Variants in ZMAT4 observed in about 807,000 individuals in gnomAD.
The protein encoded by ZMAT4 is zinc finger matrin-type 4, also known as zinc finger matrin-type protein 4.
A neutral mutation model predicts 28.7 loss-of-function variants in ZMAT4; 17 were observed. That is an observed-to-expected ratio of 0.59 (90% confidence interval 0.41 to 0.89). The LOEUF is 0.89. Among genes scored for constraint, ZMAT4 ranks in the 40% least tolerant of loss-of-function variants. The pLI, the probability that ZMAT4 is intolerant of heterozygous loss-of-function variation, is 0.00. For missense variants in ZMAT4, 240 were observed against 283.8 expected, an observed-to-expected ratio of 0.85 and a Z score of 1.11; for synonymous variants, 117 against 109.2, an observed-to-expected ratio of 1.07 and a Z score of -0.44.
intron 2 of ZMAT4, among the ~76,000 whole-genome samples, chr8:40,768,584 T>C (rs1027871864): frequency 6.6e-6 from 1 of 152,224 alleles, no homozygotes; most frequent in African/African-American, 2.4e-5. Context: ...GTTCCAGCTC[T>C]ACCACTTCCT....
rs902069540 is a variant in ZMAT4 at position 40,786,817 on chromosome 8, A to G, written c.103-19087T>C. 7.2e-6 allele frequency: 8 copies of G among 1,116,430 alleles called. No individual in the cohort carries two copies. The African/African-American group carries it at 1.1e-4, about 16-fold the overall frequency. The allele number at this position is 1,116,430 out of a possible 1,614,324, so 69.2% of individuals were successfully genotyped here. On this transcript the variant is annotated intron_variant, in intron 2 of 6. Transcript: ENST00000297737. The stretch of plus-strand genomic sequence containing the variant: ...ATGGGAACAAACAGACTGTGCTTAC[A>G]GAAGAAAATTGGGATTGCATTTCAC...
chr8:40,580,098 C>A (rs890093207), intron 6 of ZMAT4, among the ~76,000 whole-genome samples: 40 of 150,430 alleles, frequency 2.7e-4, no homozygotes, highest in African/African-American at 9.0e-4. Flanking sequence ...CTGCAATCTC[C>A]ACCTCCCAGG....
chr8:40,604,603 G>A (rs1028171050), intron 5 of ZMAT4, among the ~76,000 whole-genome samples: 1 of 152,126 alleles, frequency 6.6e-6, no homozygotes, highest in African/African-American at 2.4e-5. Flanking sequence ...TTTTTGATAT[G>A]CTGTTGGATT....
intron 2 of ZMAT4, among the ~76,000 whole-genome samples, chr8:40,807,643 CAA>C (rs1202914631): frequency 5.3e-5 from 8 of 152,160 alleles, no homozygotes; most frequent in Non-Finnish European, 8.8e-5. Context: ...CTTTTCTGAG[CAA>C]ACACATTTTG....
intron 6 of ZMAT4, among the ~76,000 whole-genome samples, chr8:40,561,710 C>T (rs1294400684): frequency 1.3e-5 from 2 of 152,184 alleles, no homozygotes; most frequent in Non-Finnish European, 2.9e-5. Context: ...GCATGCGGCT[C>T]AGGATGGCTT....
intron 5 of ZMAT4, among the ~76,000 whole-genome samples, chr8:40,670,556 T>G (rs1249201494): frequency 6.6e-6 from 1 of 152,166 alleles, no homozygotes; most frequent in Non-Finnish European, 1.5e-5. Flanking sequence ...TAAAAATGCC[T>G]GCTCATTGAA....
intron 2 of ZMAT4, among the ~76,000 whole-genome samples, chr8:40,801,351 A>AAAAAATATATATATATATATATATGT (rs370796453): frequency 1.0e-5 from 1 of 97,258 alleles, no homozygotes; most frequent in African/African-American, 3.7e-5. Context: ...TAAAAAAAAA[A>AAAAAATATATATATATATATATATGT]ATATATATAT....
chr8:40,616,116 G>A (rs73624536), intron 5 of ZMAT4, among the ~76,000 whole-genome samples: 46,145 of 152,116 alleles, frequency 0.3, 9,075 homozygotes, highest in East Asian at 0.73. Context: ...CATTTATGCA[G>A]TCAACAGACG....
chr8:40,575,673 A>G (rs1315374680), intron 6 of ZMAT4, among the ~76,000 whole-genome samples: 1 of 135,672 alleles, frequency 7.4e-6, no homozygotes, highest in East Asian at 1.9e-4. Context: ...AGTCTTTTCT[A>G]TGAAAGCTAT....
chr8:40,553,929 T>C (rs562105008), intron 6 of ZMAT4, among the ~76,000 whole-genome samples: 1 of 152,298 alleles, frequency 6.6e-6, no homozygotes, highest in South Asian at 2.1e-4. Context: ...ATGATACAGC[T>C]CTTGATAACA....
chr8:40,663,871 T>C (rs557473939), intron 5 of ZMAT4, among the ~76,000 whole-genome samples: 62 of 152,312 alleles, frequency 4.1e-4, no homozygotes, highest in African/African-American at 1.4e-3. Flanking sequence ...CTTTCAGAGA[T>C]TGAAAATATT....
intron 1 of ZMAT4, among the ~76,000 whole-genome samples, chr8:40,863,236 C>T (rs1448258730): frequency 6.6e-6 from 1 of 151,628 alleles, no homozygotes; most frequent in Non-Finnish European, 1.5e-5. Context: ...GTGAGGTGAT[C>T]TGATTTGTAT....
At chr8:40,626,246 G>A (rs546264755) in intron 5 of ZMAT4, among the ~76,000 whole-genome samples, 19 of 152,222 alleles carry the variant, frequency 1.2e-4, no homozygotes, top group Admixed American at 9.2e-4. Flanking sequence ...AATCAAGTAC[G>A]AAAGAGGAGC....
intron 6 of ZMAT4, among the ~76,000 whole-genome samples, chr8:40,576,361 A>G (rs1240191638): frequency 6.6e-6 from 1 of 152,116 alleles, no homozygotes; most frequent in African/African-American, 2.4e-5. Flanking sequence ...TCCCTGAGGC[A>G]TATTACGGTC....
intron 3 of ZMAT4, among the ~76,000 whole-genome samples, chr8:40,755,019 AAAAG>A (rs1335926459): frequency 6.6e-6 from 1 of 152,184 alleles, no homozygotes; most frequent in East Asian, 1.9e-4. Flanking sequence ...TGAAAGAAGG[AAAAG>A]AAAGAAAAGA....
chr8:40,620,493 G>A (rs1436996132), intron 5 of ZMAT4, among the ~76,000 whole-genome samples: 2 of 152,122 alleles, frequency 1.3e-5, no homozygotes, highest in African/African-American at 4.8e-5. Flanking sequence ...TTGTAGCTGA[G>A]GATCATTCCT....
At chr8:40,721,468 A>G (rs1811089415) in intron 3 of ZMAT4, among the ~76,000 whole-genome samples, 1 of 145,112 alleles carries the variant, frequency 6.9e-6, no homozygotes, top group Non-Finnish European at 1.5e-5. Flanking sequence ...TAGCAGCATG[A>G]TTTATAGTCA....
intron 6 of ZMAT4, among the ~76,000 whole-genome samples, chr8:40,579,699 C>T (rs1340070030): frequency 6.6e-6 from 1 of 152,190 alleles, no homozygotes; most frequent in Non-Finnish European, 1.5e-5. Context: ...CCATTTCATA[C>T]TCCTGCTTAG....
chr8:40,813,417 G>C (rs1815407626), intron 2 of ZMAT4, among the ~76,000 whole-genome samples: 1 of 152,244 alleles, frequency 6.6e-6, no homozygotes, highest in Admixed American at 6.5e-5. Context: ...CTGACCCTGA[G>C]TACAGCAAAA....
Sources: gnomAD v4.1 joint callset for allele counts (sites outside exome capture counted in the v4.1 genomes callset) on GRCh38, gnomAD v4.1.1 for gene constraint, MANE v1.5 for transcripts, NCBI Gene and HGNC (gene_info 2026-07-23, HGNC 2026-07-21) for gene names.